Variants in PLCG2 observed in about 807,000 individuals in gnomAD.
PLCG2 encodes the protein phospholipase C gamma 2, also known as 1-phosphatidylinositol 4,5-bisphosphate phosphodiesterase gamma-2.
In PLCG2, 69 loss-of-function variants were observed where a neutral mutation model predicts 175.6. The observed-to-expected ratio is 0.39, with a 90% CI of 0.32 to 0.48. The LOEUF (loss-of-function observed/expected upper bound fraction) is 0.48, where lower values mean the gene tolerates loss of function less well. Ranked by LOEUF, PLCG2 falls within the 20% of genes least tolerant of loss-of-function variation. The pLI, the probability that PLCG2 is intolerant of heterozygous loss-of-function variation, is 0.91. For synonymous variants in PLCG2, 827 were observed against 624.0 expected (o/e 1.33, Z -4.85); for missense variants, 1,798 against 1,650.9 (o/e 1.09, Z -1.54).
At chr16:81,867,883 T>C (rs1000310527) in intron 5 of PLCG2, among the ~76,000 whole-genome samples, 1 of 152,176 alleles carries the variant, frequency 6.6e-6, no homozygotes, top group Non-Finnish European at 1.5e-5. Flanking sequence ...GTATTTTTAG[T>C]AGAGACGGGG....
chr16:81,799,591 G>A (rs1213459020), intron 2 of PLCG2, among the ~76,000 whole-genome samples: 2 of 134,068 alleles, frequency 1.5e-5, no homozygotes, highest in South Asian at 2.6e-4. Context: ...AGCCTGGCCT[G>A]TTATTAATTT....
Position 81,958,796 on chromosome 16 carries a change from G to A in PLCG2, c.*798G>A. 1 of 221,474 alleles carries A rather than the reference G, an allele frequency of 4.5e-6. No homozygotes were observed. Among genetic ancestry groups the A allele is most frequent in the East Asian group, 6.6e-5 (1 of 15,230 alleles). The allele number at this position is 221,474 out of a possible 1,614,324, so 13.7% of individuals were successfully genotyped here. Reference sequence around the variant, plus strand: ...CCCTCATGGCCCTACTGAACTGGCTGGGAGGCTGCTGGAATGGCCCTTGGT... The same window carrying A: ...CCCTCATGGCCCTACTGAACTGGCTAGGAGGCTGCTGGAATGGCCCTTGGT... On this transcript the variant is annotated 3_prime_UTR_variant, in exon 33 of 33. Transcript: ENST00000564138.
At chr16:81,792,503 A>G (rs1911283279) in intron 2 of PLCG2, among the ~76,000 whole-genome samples, 1 of 144,066 alleles carries the variant, frequency 6.9e-6, no homozygotes, top group African/African-American at 2.6e-5. Context: ...AAAAAAAAAA[A>G]AAAAAAAAGA....
At chr16:81,821,845 C>G (rs1904813021) in intron 2 of PLCG2, among the ~76,000 whole-genome samples, 2 of 151,862 alleles carry the variant, frequency 1.3e-5, no homozygotes, top group South Asian at 2.1e-4. Flanking sequence ...CCTCCCCTCT[C>G]AAATAATCTC....
chr16:81,818,517 A>G (rs911344776), intron 2 of PLCG2, among the ~76,000 whole-genome samples: 5 of 151,868 alleles, frequency 3.3e-5, no homozygotes, highest in Admixed American at 1.3e-4. Context: ...CATCTTGGGG[A>G]TACTCATCGG....
At chr16:81,834,590 G>C (rs1289513494) in intron 2 of PLCG2, among the ~76,000 whole-genome samples, 1 of 80,332 alleles carries the variant, frequency 1.2e-5, no homozygotes. Context: ...TGGATCTGCA[G>C]AGCTGCTGCT....
chr16:81,901,444 G>T (rs570942339), intron 14 of PLCG2, among the ~76,000 whole-genome samples: 31 of 152,310 alleles, frequency 2.0e-4, no homozygotes, highest in African/African-American at 6.7e-4. Flanking sequence ...TGAGTTTTGA[G>T]CTCTAGCCCA....
chr16:81,825,846 A>C (rs1006818205), intron 2 of PLCG2, among the ~76,000 whole-genome samples: 3 of 152,208 alleles, frequency 2.0e-5, no homozygotes, highest in Non-Finnish European at 2.9e-5. Flanking sequence ...TCAGGGGTTC[A>C]AGTCTTAGGA....
At chr16:81,899,990 C>T (rs1010337044) in intron 13 of PLCG2, among the ~76,000 whole-genome samples, 15 of 152,086 alleles carry the variant, frequency 9.9e-5, no homozygotes, top group Non-Finnish European at 2.2e-4. Flanking sequence ...ACTTTATGAA[C>T]CATAACCCCA....
intron 1 of PLCG2, among the ~76,000 whole-genome samples, chr16:81,784,237 C>T (rs1910870646): frequency 6.6e-6 from 1 of 152,196 alleles, no homozygotes; most frequent in Non-Finnish European, 1.5e-5. Context: ...CCCTCATTTG[C>T]ATCCTAGTCC....
intron 1 of PLCG2, among the ~76,000 whole-genome samples, chr16:81,784,576 C>A (rs1457346812): frequency 6.6e-6 from 1 of 152,206 alleles, no homozygotes; most frequent in African/African-American, 2.4e-5. Flanking sequence ...GTAACAACTC[C>A]AGGCACCTCC....
intron 2 of PLCG2, among the ~76,000 whole-genome samples, chr16:81,842,264 A>G (rs1905874644): frequency 6.6e-6 from 1 of 152,192 alleles, no homozygotes; most frequent in African/African-American, 2.4e-5. Flanking sequence ...ATGTGCTCAG[A>G]GAAGCCTTTC....
rs75984560 is a variant in PLCG2 at position 81,874,368 on chromosome 16, G to A, written c.648+3433G>A. Among the ~76,000 whole-genome samples, 1,371 of 152,172 alleles carry A rather than the reference G, an allele frequency of 9.0e-3. 24 individuals are homozygous for A. Among genetic ancestry groups the A allele is most frequent in the African/African-American group, 0.032 (1,324 of 41,506 alleles). ...GCAACCCTCATCTCCACTGTTTGAG[G>A]GTATAACTCTCCAGTTTGGTCACTG... On this transcript the variant is annotated intron_variant, in intron 7 of 32. Coordinates refer to ENST00000564138, the MANE Select transcript of PLCG2 (RefSeq NM_002661.5).
intron 9 of PLCG2, among the ~76,000 whole-genome samples, chr16:81,883,848 G>A (rs558429808): frequency 6.6e-6 from 1 of 152,232 alleles, no homozygotes; most frequent in South Asian, 2.1e-4. Flanking sequence ...TGTGGGCTCT[G>A]AGCCCAGCTA....
intron 1 of PLCG2, among the ~76,000 whole-genome samples, chr16:81,755,142 A>T (rs564070646): frequency 9.2e-5 from 14 of 152,280 alleles, no homozygotes; most frequent in Non-Finnish European, 1.6e-4. Flanking sequence ...CTGAGCTGAG[A>T]GGTGGCTGAC....
chr16:81,910,787 G>A (rs1359013546), intron 18 of PLCG2, 67 bp downstream of exon 18: 24 of 1,457,564 alleles, frequency 1.6e-5, no homozygotes, highest in Non-Finnish European at 2.3e-5. Flanking sequence ...CAGAGAAGCT[G>A]GCCTGGTGGT....
chr16:81,749,400 C>G (rs574631378), intron 1 of PLCG2, among the ~76,000 whole-genome samples: 1 of 151,878 alleles, frequency 6.6e-6, no homozygotes, highest in African/African-American at 2.4e-5. Context: ...TCATCCAGGC[C>G]GGAGTGCAGT....
At chr16:81,922,850 A>G (rs62044880) in intron 21 of PLCG2, among the ~76,000 whole-genome samples, 4,736 of 152,340 alleles carry the variant, frequency 0.031, 99 homozygotes, top group Non-Finnish European at 0.047. Context: ...TTCATTGAAG[A>G]AAATTTCTAA....
chr16:81,805,767 G>GTTTTTGT (rs1911983207), intron 2 of PLCG2, among the ~76,000 whole-genome samples: 3 of 39,520 alleles, frequency 7.6e-5, no homozygotes, highest in African/African-American at 3.7e-4. Context: ...GTTTTGTTTT[G>GTTTTTGT]TTTTTTTTTT....
Sources: allele counts gnomAD v4.1 joint callset (sites outside exome capture counted in the v4.1 genomes callset), GRCh38; gene constraint gnomAD v4.1.1; transcripts MANE v1.5; gene names NCBI Gene and HGNC (gene_info 2026-07-23, HGNC 2026-07-21).